The following WDHD1 variants were observed in gnomAD, a reference collection of about 807,000 sequenced individuals.
WDHD1 encodes WD repeat and HMG-box DNA-binding protein 1.
In WDHD1, 111 loss-of-function variants were observed where a neutral mutation model predicts 135.4. The observed-to-expected ratio is 0.82, with a 90% CI of 0.70 to 0.96. WDHD1 has a LOEUF of 0.96. Ranked by LOEUF, WDHD1 falls within the 40% of genes least tolerant of loss-of-function variation. The pLI, the probability that WDHD1 is intolerant of heterozygous loss-of-function variation, is 0.00. For missense variants in WDHD1, 1,351 were observed against 1,336.3 expected (o/e 1.01, Z -0.17); for synonymous variants, 434 against 439.0 (o/e 0.99, Z 0.14).
intron 23 of WDHD1, 104 bp downstream of exon 23, chr14:54,956,930 G>T: frequency 7.1e-7 from 1 of 1,403,216 alleles, no homozygotes; most frequent in Non-Finnish European, 9.6e-7. Flanking sequence ...CAAGACAATT[G>T]TAAACAATCA....
In WDHD1 at chr14:54,940,139, T is replaced by C. The variant is rs2040818276; in HGVS notation, c.*1351A>G. 6.6e-6 allele frequency: 1 copy of C among 152,206 alleles called. No individual in the cohort carries two copies. Among genetic ancestry groups the C allele is most frequent in the South Asian group, 2.1e-4 (1 of 4,828 alleles). 9.4% of individuals were successfully genotyped at this position (152,206 alleles called of 1,614,324 possible). A position where few individuals can be genotyped will look rare whatever the true frequency, so the allele number is the denominator to read the frequency against. On this transcript the variant is annotated 3_prime_UTR_variant, in exon 26 of 26. Coordinates refer to ENST00000360586, the MANE Select transcript of WDHD1 (RefSeq NM_007086.4). ...TCAGAAACTAAGGGCTTTCATTTCA[T>C]TCAATTCTCATAACAACCTATAAAG...
Position 54,975,813 on chromosome 14 carries a change from C to T in WDHD1, c.2063+5727G>A, listed in dbSNP as rs186892529. Reference sequence around the variant, plus strand: ...TTTAAGTAGCTGGTATTCAGGTGTGCACCGATGTGACACGCTCTCAAATGA... The same window carrying T: ...TTTAAGTAGCTGGTATTCAGGTGTGTACCGATGTGACACGCTCTCAAATGA... On this transcript the variant is annotated intron_variant, in intron 16 of 25. Coordinates refer to ENST00000360586, the MANE Select transcript of WDHD1 (RefSeq NM_007086.4). 3.2e-3 allele frequency among the ~76,000 whole-genome samples: 489 copies of T among 152,024 alleles called. 4 individuals are homozygous for T. Among genetic ancestry groups the T allele is most frequent in the African/African-American group, 0.011 (471 of 41,478 alleles).
At chr14:55,011,065 C>A (rs190224368) in intron 3 of WDHD1, among the ~76,000 whole-genome samples, 1 of 152,210 alleles carries the variant, frequency 6.6e-6, no homozygotes, top group Non-Finnish European at 1.5e-5. Flanking sequence ...AGACTTCTTG[C>A]CTTCTGAACT....
At chr14:54,972,068 C>T (rs1383774049) in intron 16 of WDHD1, among the ~76,000 whole-genome samples, 1 of 151,402 alleles carries the variant, frequency 6.6e-6, no homozygotes, top group Non-Finnish European at 1.5e-5. Flanking sequence ...GTCAGGAAAT[C>T]GAGACCATCC....
rs143562408 is a variant in WDHD1 at position 54,954,432 on chromosome 14, G to A, written c.3050+1129C>T. On this transcript the variant is annotated intron_variant, in intron 24 of 25. Coordinates refer to ENST00000360586, the MANE Select transcript of WDHD1 (RefSeq NM_007086.4). The stretch of plus-strand genomic sequence containing the variant: ...TATAAAATGATACAACATCAATGCA[G>A]AACAATCTGGCATTGGAATTATAAG... Among the ~76,000 whole-genome samples, 40 of 152,296 alleles carry A rather than the reference G, an allele frequency of 2.6e-4. No individual in the cohort carries two copies. The East Asian group carries it at 6.9e-3, about 26-fold the overall frequency.
chr14:54,988,231 C>T (rs570964141), intron 13 of WDHD1, among the ~76,000 whole-genome samples: 2,241 of 125,918 alleles, frequency 0.018, 32 homozygotes, highest in Non-Finnish European at 0.024. Flanking sequence ...TTTGTTTTTC[C>T]GTTTTTTTTT....
At chr14:54,955,160 A>T (rs2041131449) in intron 24 of WDHD1, among the ~76,000 whole-genome samples, 1 of 152,226 alleles carries the variant, frequency 6.6e-6, no homozygotes, top group East Asian at 1.9e-4. Context: ...AAATAGAATA[A>T]TTTTGGAAAG....
intron 24 of WDHD1, among the ~76,000 whole-genome samples, chr14:54,948,008 G>C (rs1447248209): frequency 6.6e-6 from 1 of 151,742 alleles, no homozygotes; most frequent in Non-Finnish European, 1.5e-5. Context: ...CTGAGGTCAG[G>C]AGTTTGAGAC....
At chr14:54,947,596 T>C (rs2040950170) in intron 24 of WDHD1, among the ~76,000 whole-genome samples, 1 of 152,116 alleles carries the variant, frequency 6.6e-6, no homozygotes, top group Non-Finnish European at 1.5e-5. Flanking sequence ...TGTTCTTTTC[T>C]TTTTGTTTTT....
Position 54,962,559 on chromosome 14 carries a change from T to C in WDHD1, c.2648-8A>G, listed in dbSNP as rs1198986609. ...TGGAAAACGAGTTCTGTCCTACAGATTAAAATAAAGCAATATAATGTAAAT... is the reference window on the plus strand; with the variant it reads ...TGGAAAACGAGTTCTGTCCTACAGACTAAAATAAAGCAATATAATGTAAAT... On this transcript the variant is annotated splice_polypyrimidine_tract_variant and splice_region_variant and intron_variant, in intron 20 of 25. Transcript: ENST00000360586. 1.2e-6 allele frequency: 2 copies of C among 1,605,774 alleles called. No homozygotes were observed. The highest frequency in any genetic ancestry group is 1.7e-6 in the Non-Finnish European group (2 of 1,174,304).
chr14:55,025,635 A>G (rs1287893522), intron 2 of WDHD1, among the ~76,000 whole-genome samples: 1 of 152,254 alleles, frequency 6.6e-6, no homozygotes, highest in Non-Finnish European at 1.5e-5. Flanking sequence ...ATACCTTCTC[A>G]GTGCTTTTAG....
At chr14:54,954,094 C>T (rs1200752597) in intron 24 of WDHD1, among the ~76,000 whole-genome samples, 1 of 151,114 alleles carries the variant, frequency 6.6e-6, no homozygotes, top group Non-Finnish European at 1.5e-5. Flanking sequence ...GCACATGTAC[C>T]CTAGAGCTTA....
intron 16 of WDHD1, among the ~76,000 whole-genome samples, chr14:54,977,994 C>T (rs2041555251): frequency 6.6e-6 from 1 of 150,472 alleles, no homozygotes; most frequent in South Asian, 2.1e-4. Context: ...TGATGAAATA[C>T]TTGTAATATT....
chr14:54,982,447 CTCTCT>C (rs1358906659), intron 15 of WDHD1, among the ~76,000 whole-genome samples: 3 of 152,184 alleles, frequency 2.0e-5, no homozygotes, highest in African/African-American at 4.8e-5. Flanking sequence ...TCTTCTTCCT[CTCTCT>C]TCTTTTTGTT....
chr14:54,991,777 T>C (rs1192127151), intron 11 of WDHD1, among the ~76,000 whole-genome samples: 1 of 152,232 alleles, frequency 6.6e-6, no homozygotes, highest in Non-Finnish European at 1.5e-5. Context: ...TGCAATTGTT[T>C]GAGTTGTAAG....
intron 16 of WDHD1, among the ~76,000 whole-genome samples, chr14:54,974,343 G>A (rs1039358859): frequency 2.0e-5 from 3 of 151,920 alleles, no homozygotes; most frequent in African/African-American, 7.2e-5. Flanking sequence ...GGAGGACGGA[G>A]GATCGCTTGA....
intron 15 of WDHD1, among the ~76,000 whole-genome samples, chr14:54,982,822 G>A (rs2041639571): frequency 6.6e-6 from 1 of 152,142 alleles, no homozygotes; most frequent in African/African-American, 2.4e-5. Context: ...TCTCCAAAAA[G>A]AGAAATATTT....
intron 24 of WDHD1, among the ~76,000 whole-genome samples, chr14:54,950,059 T>C (rs559375962): frequency 6.6e-6 from 1 of 152,214 alleles, no homozygotes; most frequent in East Asian, 1.9e-4. Context: ...GTAAAGACCA[T>C]CAAGGCTAGG....
chr14:54,979,781 C>T (rs1447064845), intron 16 of WDHD1, among the ~76,000 whole-genome samples: 1 of 152,162 alleles, frequency 6.6e-6, no homozygotes, highest in African/African-American at 2.4e-5. Flanking sequence ...AGTTTCTCTC[C>T]GTGAGGTAAC....
Sources: gnomAD v4.1 joint callset for allele counts (sites outside exome capture counted in the v4.1 genomes callset) on GRCh38, gnomAD v4.1.1 for gene constraint, MANE v1.5 for transcripts, NCBI Gene and HGNC (gene_info 2026-07-23, HGNC 2026-07-21) for gene names.